Variants in PALLD observed in about 807,000 individuals in gnomAD.
The protein encoded by PALLD is palladin.
In PALLD, 61 loss-of-function variants were observed where a neutral mutation model predicts 123.5. That is an observed-to-expected ratio of 0.49 (90% CI 0.40 to 0.61). The LOEUF (loss-of-function observed/expected upper bound fraction) is 0.61, where lower values mean the gene tolerates loss of function less well. PALLD is among the 20% of genes least tolerant of loss of function. PALLD has a pLI of 0.00. For synonymous variants in PALLD, 465 were observed against 496.4 expected (o/e 0.94, Z 0.84); for missense variants, 1,273 against 1,377.0 (o/e 0.92, Z 1.20).
chr4:168,798,071 G>A (rs543293870), intron 10 of PALLD, among the ~76,000 whole-genome samples: 177 of 152,224 alleles, frequency 1.2e-3, no homozygotes, highest in African/African-American at 3.9e-3. Context: ...CCAGTTACCC[G>A]CTTTGTCCCG....
At chr4:168,893,471 A>T (rs1263529355) in intron 11 of PALLD, among the ~76,000 whole-genome samples, 1 of 152,200 alleles carries the variant, frequency 6.6e-6, no homozygotes, top group Non-Finnish European at 1.5e-5. Context: ...CAATTACTGG[A>T]AATTGTAAAT....
intron 15 of PALLD, among the ~76,000 whole-genome samples, chr4:168,908,801 T>C (rs906428216): frequency 6.6e-6 from 1 of 152,020 alleles, no homozygotes; most frequent in Non-Finnish European, 1.5e-5. Context: ...TCCTGAGCAG[T>C]GGAAAATAAT....
intron 10 of PALLD, among the ~76,000 whole-genome samples, chr4:168,795,659 A>G (rs1213189518): frequency 6.6e-6 from 1 of 152,080 alleles, no homozygotes; most frequent in Non-Finnish European, 1.5e-5. Context: ...TGCAGTGAAT[A>G]CAGTTAATTG....
intron 8 of PALLD, among the ~76,000 whole-genome samples, chr4:168,701,456 A>AG (rs1783660666): frequency 6.6e-6 from 1 of 152,244 alleles, no homozygotes; most frequent in Admixed American, 6.5e-5. Context: ...CTGATTTAGA[A>AG]GGGGCAACTG....
At chr4:168,889,610 A>G (rs1753878318) in intron 10 of PALLD, among the ~76,000 whole-genome samples, 1 of 152,116 alleles carries the variant, frequency 6.6e-6, no homozygotes, top group South Asian at 2.1e-4. Flanking sequence ...GACCCTCCCC[A>G]ATTGCATCCA....
At chr4:168,742,992 C>T (rs756651811) in intron 10 of PALLD, among the ~76,000 whole-genome samples, 1 of 152,142 alleles carries the variant, frequency 6.6e-6, no homozygotes, top group Non-Finnish European at 1.5e-5. Context: ...TTTGCCCGAC[C>T]ACCTCCTACC....
rs759652869 is a variant in PALLD, at chr4:168,691,262, C to G, written c.1478-7C>G. Reference sequence around the variant, plus strand: ...GTTCTAATTTATTTTTTTCATGTGGCAAACAGAACCTAGATCTACAGCTGA... The same window carrying G: ...GTTCTAATTTATTTTTTTCATGTGGGAAACAGAACCTAGATCTACAGCTGA... On this transcript the variant is annotated splice_polypyrimidine_tract_variant and splice_region_variant and intron_variant, in intron 7 of 21. Coordinates refer to ENST00000505667, the MANE Select transcript of PALLD (RefSeq NM_001166108.2). 1 of 1,605,486 alleles carries G rather than the reference C, an allele frequency of 6.2e-7. No homozygotes were observed. The highest frequency in any genetic ancestry group is 1.1e-5 in the South Asian group (1 of 90,384).
At chr4:168,836,150 T>C (rs1449536073) in intron 10 of PALLD, among the ~76,000 whole-genome samples, 3 of 152,192 alleles carry the variant, frequency 2.0e-5, no homozygotes, top group Non-Finnish European at 1.5e-5. Context: ...TTTTGGATAA[T>C]GACTACGAGG....
intron 17 of PALLD, among the ~76,000 whole-genome samples, chr4:168,921,329 C>T (rs1761446149): frequency 6.7e-6 from 1 of 148,858 alleles, no homozygotes; most frequent in South Asian, 2.2e-4. Context: ...ATCGCTTGAA[C>T]CCGGGAGGCA....
intron 10 of PALLD, among the ~76,000 whole-genome samples, chr4:168,760,502 G>A (rs1025295754): frequency 6.6e-6 from 1 of 151,910 alleles, no homozygotes; most frequent in Admixed American, 6.6e-5. Flanking sequence ...TCTCTTTCTC[G>A]TGAGTTACAA....
intron 10 of PALLD, among the ~76,000 whole-genome samples, chr4:168,847,979 A>G (rs1747137132): frequency 6.6e-6 from 1 of 152,186 alleles, no homozygotes; most frequent in Non-Finnish European, 1.5e-5. Context: ...ATTATTCAGA[A>G]TTATTTTTTA....
chr4:168,754,350 T>A (rs1211591978), intron 10 of PALLD, among the ~76,000 whole-genome samples: 2 of 152,226 alleles, frequency 1.3e-5, no homozygotes, highest in African/African-American at 4.8e-5. Context: ...TAACTTCCTT[T>A]TGATACATGG....
chr4:168,649,404 G>A (rs1777811205), intron 2 of PALLD, among the ~76,000 whole-genome samples: 1 of 152,156 alleles, frequency 6.6e-6, no homozygotes. Context: ...ATAATAGTGG[G>A]AAGTTTTAGA....
chr4:168,719,414 T>C (rs1045234600), intron 10 of PALLD, among the ~76,000 whole-genome samples: 1 of 151,384 alleles, frequency 6.6e-6, no homozygotes, highest in African/African-American at 2.4e-5. Context: ...CCCGCCACCT[T>C]GCCTGGCTAA....
chr4:168,525,898 G>A (rs749560279), intron 2 of PALLD, among the ~76,000 whole-genome samples: 4 of 152,112 alleles, frequency 2.6e-5, no homozygotes, highest in Admixed American at 1.3e-4. Context: ...TACTACCACT[G>A]TGTAACCTAT....
chr4:168,720,162 T>C (rs2150255522), intron 10 of PALLD, among the ~76,000 whole-genome samples: 1 of 152,308 alleles, frequency 6.6e-6, no homozygotes, highest in East Asian at 1.9e-4. Flanking sequence ...TCTACGATGA[T>C]TTTGGCAAGA....
chr4:168,520,446 G>C (rs1226809406), intron 2 of PALLD, among the ~76,000 whole-genome samples: 1 of 151,800 alleles, frequency 6.6e-6, no homozygotes, highest in Non-Finnish European at 1.5e-5. Context: ...CTCATGAAAG[G>C]CATGCGACGC....
At chr4:168,666,606 C>A (rs1278492328) in intron 2 of PALLD, among the ~76,000 whole-genome samples, 1 of 152,006 alleles carries the variant, frequency 6.6e-6, no homozygotes, top group Admixed American at 6.5e-5. Flanking sequence ...TGCAAATATT[C>A]GACAGAAACA....
chr4:168,840,557 C>T (rs777079320), intron 10 of PALLD, among the ~76,000 whole-genome samples: 12 of 152,162 alleles, frequency 7.9e-5, no homozygotes, highest in Non-Finnish European at 1.3e-4. Flanking sequence ...AGTGAAACGA[C>T]CAGAGGTGTG....
Sources: gnomAD v4.1 joint callset for allele counts (sites outside exome capture counted in the v4.1 genomes callset) on GRCh38, gnomAD v4.1.1 for gene constraint, MANE v1.5 for transcripts, NCBI Gene and HGNC (gene_info 2026-07-23, HGNC 2026-07-21) for gene names.